The following DCT variants were observed in gnomAD, a reference collection of about 807,000 sequenced individuals.
The protein encoded by DCT is dopachrome tautomerase.
DCT carries 47 observed loss-of-function variants against 53.0 expected under a neutral mutation model. The observed-to-expected ratio is 0.89, with a 90% CI of 0.70 to 1.13. The LOEUF (loss-of-function observed/expected upper bound fraction) is 1.13. Among genes scored for constraint, DCT ranks in the 50% most tolerant of loss-of-function variants. DCT has a pLI of 0.00. For synonymous variants in DCT, 244 were observed against 237.0 expected (o/e 1.03, Z -0.27); for missense variants, 669 against 637.4 (o/e 1.05, Z -0.53).
At chr13:94,444,817 T>C (rs1882613911) in intron 6 of DCT, among the ~76,000 whole-genome samples, 1 of 152,250 alleles carries the variant, frequency 6.6e-6, no homozygotes, top group Non-Finnish European at 1.5e-5. Context: ...TTTATAGCAC[T>C]GATCAAATGA....
chr13:94,510,685 C>T, the DCT span, among the ~76,000 whole-genome samples: 3 of 152,320 alleles, frequency 2.0e-5, no homozygotes, highest in Middle Eastern at 3.4e-3. Context: ...TTAGACACTC[C>T]TGCTGAGTGG....
intron 1 of DCT, among the ~76,000 whole-genome samples, chr13:94,469,597 A>C (rs182471193): frequency 1.7e-4 from 26 of 152,260 alleles, no homozygotes; most frequent in African/African-American, 6.3e-4. Flanking sequence ...TCAGTGTTTA[A>C]GCTGCCTAGT....
chr13:94,474,493 A>C (rs970674298), intron 1 of DCT, among the ~76,000 whole-genome samples: 1 of 152,218 alleles, frequency 6.6e-6, no homozygotes, highest in African/African-American at 2.4e-5. Context: ...GTGTGGTTTC[A>C]TCATTATCCC....
chr13:94,456,506 A>C (rs1238942169), intron 6 of DCT, among the ~76,000 whole-genome samples: 1 of 152,188 alleles, frequency 6.6e-6, no homozygotes, highest in Non-Finnish European at 1.5e-5. Context: ...TTGGAGAACA[A>C]GATAAGAAAT....
chr13:94,493,716 C>A, the DCT span, among the ~76,000 whole-genome samples: 1 of 152,078 alleles, frequency 6.6e-6, no homozygotes, highest in Non-Finnish European at 1.5e-5. Flanking sequence ...GTAAAAAGAT[C>A]AGTGGTTGCC....
Position 94,469,064 on chromosome 13 carries a change from A to G in DCT, c.296-19T>C, listed in dbSNP as rs757445553. On this transcript the variant is annotated intron_variant, in intron 1 of 7. Transcript: ENST00000377028. ...AAGTTTCCTAGTTCACAAAACAGAA[A>G]GATGGAAAGGAAGGGGGTTTATGTC... The G allele has an allele frequency of 2.5e-6, 4 of 1,602,984 alleles. No homozygotes were observed. Among genetic ancestry groups the G allele is most frequent in the African/African-American group, 1.3e-5 (1 of 74,642 alleles).
the DCT span, among the ~76,000 whole-genome samples, chr13:94,490,445 C>T: frequency 1.5e-5 from 2 of 134,968 alleles, no homozygotes; most frequent in Admixed American, 8.7e-5. Flanking sequence ...GTAGAGGTTG[C>T]AGTGAGCCGA....
chr13:94,467,373 C>T (rs1594309898), intron 2 of DCT: 1 of 152,302 alleles, frequency 6.6e-6, no homozygotes, highest in East Asian at 1.9e-4. Flanking sequence ...GAAACTTTAG[C>T]TAACTTTAGT....
chr13:94,467,205 T>C (rs1480723791), intron 2 of DCT: 1 of 152,278 alleles, frequency 6.6e-6, no homozygotes, highest in South Asian at 2.1e-4. Flanking sequence ...CTGACAAGCA[T>C]GTTCGCTGAG....
At chr13:94,457,071 A>G (rs1191357823) in intron 6 of DCT, among the ~76,000 whole-genome samples, 1 of 152,210 alleles carries the variant, frequency 6.6e-6, no homozygotes, top group African/African-American at 2.4e-5. Flanking sequence ...CGGAGGTTGC[A>G]GTGGGTCAAA....
chr13:94,445,710 C>G, intron 6 of DCT: 2 of 1,578,226 alleles, frequency 1.3e-6, no homozygotes, highest in Non-Finnish European at 1.7e-6. Context: ...CTCCCAGGCT[C>G]ATGGTTACCA....
rs73555824 is a variant in DCT at position 94,442,498 on chromosome 13, A to G, written c.1381+938T>C. Among the ~76,000 whole-genome samples, 859 of 152,176 alleles carry G rather than the reference A, an allele frequency of 5.6e-3. 10 individuals carry two copies. The highest frequency in any genetic ancestry group is 0.019 in the African/African-American group (798 of 41,530). ...ATATTATTTGAATTTTAGCAGAGAT[A>G]GGTCTCAGTATGTTGCCAGGCTCCT... On this transcript the variant is annotated intron_variant, in intron 7 of 7. Coordinates refer to ENST00000377028, the MANE Select transcript of DCT (RefSeq NM_001922.5).
chr13:94,472,517 CATACAT>C (rs1330972842), intron 1 of DCT, among the ~76,000 whole-genome samples: 1,524 of 47,602 alleles, frequency 0.032, 138 homozygotes, highest in Non-Finnish European at 0.044. Context: ...TATATACATA[CATACAT>C]ATATATATAT....
At chr13:94,491,101 G>A in the DCT span, among the ~76,000 whole-genome samples, 12 of 152,084 alleles carry the variant, frequency 7.9e-5, no homozygotes, top group Admixed American at 2.6e-4. Flanking sequence ...AAGTCAGGGC[G>A]CTTTTAGGGA....
upstream of DCT, among the ~76,000 whole-genome samples, chr13:94,483,048 C>T (rs1204356706): frequency 6.6e-6 from 1 of 151,988 alleles, no homozygotes; most frequent in Non-Finnish European, 1.5e-5. Context: ...CCAAGGCAGG[C>T]AGATCACGTG....
chr13:94,464,572 G>C (rs772369974), intron 4 of DCT, among the ~76,000 whole-genome samples: 1 of 151,904 alleles, frequency 6.6e-6, no homozygotes, highest in Non-Finnish European at 1.5e-5. Flanking sequence ...CCAGGGAGTC[G>C]GAGGTTGCAG....
chr13:94,501,634 CAG>C, the DCT span, among the ~76,000 whole-genome samples: 80 of 147,318 alleles, frequency 5.4e-4, no homozygotes, highest in Middle Eastern at 3.4e-3. Flanking sequence ...AAGACAGAGA[CAG>C]AGAGAGAGAG....
intron 6 of DCT, among the ~76,000 whole-genome samples, chr13:94,458,593 G>C (rs1375763060): frequency 6.6e-6 from 1 of 152,076 alleles, no homozygotes. Context: ...CAGGAGGTCA[G>C]GTGTTTGAGA....
At chr13:94,527,492 C>A in the DCT span, among the ~76,000 whole-genome samples, 1 of 152,306 alleles carries the variant, frequency 6.6e-6, no homozygotes, top group Admixed American at 6.5e-5. Context: ...CCCAGGCAAA[C>A]AGGGTCTGGA....
Sources: gnomAD v4.1 joint callset for allele counts (sites outside exome capture counted in the v4.1 genomes callset) on GRCh38, gnomAD v4.1.1 for gene constraint, MANE v1.5 for transcripts, NCBI Gene and HGNC (gene_info 2026-07-23, HGNC 2026-07-21) for gene names.